The following CAB39 variants were observed in gnomAD, a reference collection of about 807,000 sequenced individuals.
The protein encoded by CAB39 is calcium-binding protein 39.
CAB39 carries 8 observed loss-of-function variants against 40.0 expected under a neutral mutation model. That is an observed-to-expected ratio of 0.20 (90% CI 0.12 to 0.36). CAB39 has a LOEUF of 0.36. Among genes scored for constraint, CAB39 ranks in the 10% least tolerant of loss-of-function variants. The probability of loss-of-function intolerance (pLI) is 1.00; values close to 1 mark genes in which losing one functional copy is unlikely to be tolerated. For synonymous variants in CAB39, 156 were observed against 141.6 expected (o/e 1.10, Z -0.72); for missense variants, 270 against 401.1 (o/e 0.67, Z 2.79).
At chr2:230,782,208 T>C (rs963973418) in intron 2 of CAB39, among the ~76,000 whole-genome samples, 2 of 152,242 alleles carry the variant, frequency 1.3e-5, no homozygotes, top group Non-Finnish European at 2.9e-5. Context: ...CTTCAGTTAG[T>C]AAATACTTGC....
chr2:230,798,665 C>T, intron 4 of CAB39, 64 bp from the exon 5 acceptor site: 1 of 1,389,748 alleles, frequency 7.2e-7, no homozygotes, highest in Non-Finnish European at 9.9e-7. Context: ...TTGAACTGTT[C>T]AGTGTTGGAG....
intron 5 of CAB39, among the ~76,000 whole-genome samples, chr2:230,807,704 C>G (rs1696225373): frequency 6.6e-6 from 1 of 152,208 alleles, no homozygotes; most frequent in African/African-American, 2.4e-5. Flanking sequence ...ACTCGCTTCT[C>G]TCAAACCTTC....
At chr2:230,811,637 G>T (rs959689586) in intron 6 of CAB39, among the ~76,000 whole-genome samples, 1 of 152,180 alleles carries the variant, frequency 6.6e-6, no homozygotes, top group African/African-American at 2.4e-5. Flanking sequence ...TGTGCCTTCA[G>T]GATCTTCCAC....
chr2:230,754,679 C>A (rs1417537719), intron 1 of CAB39, among the ~76,000 whole-genome samples: 1 of 152,148 alleles, frequency 6.6e-6, no homozygotes, highest in Non-Finnish European at 1.5e-5. Context: ...CCACCATGCA[C>A]AGCTAATTTT....
intron 2 of CAB39, among the ~76,000 whole-genome samples, chr2:230,770,882 G>A (rs928248668): frequency 7.2e-4 from 109 of 152,100 alleles, no homozygotes; most frequent in African/African-American, 2.5e-3. Context: ...ATAGAGGAAG[G>A]GAATTTTCTC....
intron 5 of CAB39, among the ~76,000 whole-genome samples, chr2:230,801,095 A>C (rs1456166966): frequency 1.3e-5 from 2 of 152,188 alleles, no homozygotes; most frequent in Admixed American, 6.5e-5. Flanking sequence ...TGTGCATCTC[A>C]GGTGCTCCTT....
rs141595188 is a variant in CAB39, at chr2:230,739,380, G to T, written c.-43-20579G>T. 3.7e-4 allele frequency among the ~76,000 whole-genome samples: 57 copies of T among 152,266 alleles called. No homozygotes were observed. In the East Asian group the frequency reaches 0.011, roughly 28 times the overall value. ...GGTATCTGTGAATAAATCATTGTAGGTAAAACTAAAGATGGCAGATCTGTA... is the reference window on the plus strand; with the variant it reads ...GGTATCTGTGAATAAATCATTGTAGTTAAAACTAAAGATGGCAGATCTGTA... On this transcript the variant is annotated intron_variant, in intron 1 of 8. Transcript: ENST00000258418.
At chr2:230,769,494 G>T (rs1231729454) in intron 2 of CAB39, among the ~76,000 whole-genome samples, 3 of 152,110 alleles carry the variant, frequency 2.0e-5, no homozygotes, top group Non-Finnish European at 4.4e-5. Flanking sequence ...ATCTACCAAG[G>T]TAGACCATAT....
chr2:230,749,385 T>G (rs1695045501), intron 1 of CAB39, among the ~76,000 whole-genome samples: 1 of 152,160 alleles, frequency 6.6e-6, no homozygotes, highest in Admixed American at 6.5e-5. Context: ...TTGGTTTCTT[T>G]TAGTAGGAAA....
intron 2 of CAB39, among the ~76,000 whole-genome samples, chr2:230,785,278 A>C (rs561707024): frequency 6.6e-6 from 1 of 151,714 alleles, no homozygotes; most frequent in East Asian, 2.0e-4. Context: ...ATTGGGCTGA[A>C]GAGTGAGTGA....
intron 1 of CAB39, among the ~76,000 whole-genome samples, chr2:230,714,300 G>T (rs1434257984): frequency 6.6e-6 from 1 of 152,164 alleles, no homozygotes; most frequent in Non-Finnish European, 1.5e-5. Flanking sequence ...CTTGTGAAAG[G>T]AGAGAGGAGG....
intron 2 of CAB39, among the ~76,000 whole-genome samples, chr2:230,765,047 C>T (rs1167074541): frequency 2.0e-5 from 3 of 152,022 alleles, no homozygotes; most frequent in African/African-American, 2.4e-5. Flanking sequence ...AGTGCAGTGG[C>T]GCAGTCTTGG....
chr2:230,791,063 A>G (rs1695885165), intron 3 of CAB39, 27 bp downstream of exon 3: 2 of 1,495,386 alleles, frequency 1.3e-6, no homozygotes, highest in Non-Finnish European at 1.8e-6. Context: ...TTATTTTTAA[A>G]AAACAGTACC....
intron 2 of CAB39, among the ~76,000 whole-genome samples, chr2:230,765,619 G>GA (rs1373932821): frequency 6.6e-6 from 1 of 152,110 alleles, no homozygotes; most frequent in Non-Finnish European, 1.5e-5. Context: ...TTTAGTCTCT[G>GA]ATGCAATCCA....
At chr2:230,817,117 A>G (rs539242109) in intron 7 of CAB39, among the ~76,000 whole-genome samples, 14 of 152,300 alleles carry the variant, frequency 9.2e-5, no homozygotes, top group Non-Finnish European at 1.2e-4. Flanking sequence ...AAGTAAACAG[A>G]TGTTTTTTTA....
chr2:230,784,076 CA>C (rs1037940650), intron 2 of CAB39, among the ~76,000 whole-genome samples: 7 of 152,080 alleles, frequency 4.6e-5, no homozygotes, highest in African/African-American at 1.7e-4. Context: ...TTAATCTAGG[CA>C]AGAGTTATGG....
chr2:230,754,318 CCTTCTTCCTTCTTCTTCCTTCCT>C (rs1337718521), intron 1 of CAB39, among the ~76,000 whole-genome samples: 2 of 149,780 alleles, frequency 1.3e-5, no homozygotes, highest in South Asian at 2.1e-4. Flanking sequence ...CTTCCTTCTT[CCTTCTTCCTTCTTCTTCCTTCCT>C]CTTCTTCCTT....
At chr2:230,747,643 T>A (rs182491244) in intron 1 of CAB39, among the ~76,000 whole-genome samples, 1 of 152,224 alleles carries the variant, frequency 6.6e-6, no homozygotes, top group East Asian at 1.9e-4. Flanking sequence ...GGGGGAAAAT[T>A]AGCGCAAAAT....
intron 2 of CAB39, among the ~76,000 whole-genome samples, chr2:230,776,888 C>T (rs191455850): frequency 1.4e-3 from 212 of 152,230 alleles, no homozygotes; most frequent in African/African-American, 4.8e-3. Context: ...GGGGTTTCAC[C>T]GTATTAGCCA....
Sources: allele counts gnomAD v4.1 joint callset (sites outside exome capture counted in the v4.1 genomes callset), GRCh38; gene constraint gnomAD v4.1.1; transcripts MANE v1.5; gene names NCBI Gene and HGNC (gene_info 2026-07-23, HGNC 2026-07-21).